YTHDC2: variants seen among roughly 807,000 people sequenced by gnomAD.
YTHDC2 encodes 3'-5' RNA helicase YTHDC2.
Under a neutral mutation model 174.9 loss-of-function variants are expected in YTHDC2, and 45 were observed. The observed-to-expected ratio is 0.26, with a 90% CI of 0.20 to 0.33. The LOEUF (loss-of-function observed/expected upper bound fraction) is 0.33, where lower values mean the gene tolerates loss of function less well. Ranked by LOEUF, YTHDC2 falls within the 10% of genes least tolerant of loss-of-function variation. The probability of loss-of-function intolerance (pLI) is 1.00; values close to 1 mark genes in which losing one functional copy is unlikely to be tolerated. For synonymous variants in YTHDC2, 657 were observed against 574.5 expected, an observed-to-expected ratio of 1.14 and a Z score of -2.05; for missense variants, 1,650 against 1,723.7, an observed-to-expected ratio of 0.96 and a Z score of 0.76.
At chr5:113,589,669 T>C (rs887510339) in intron 26 of YTHDC2, among the ~76,000 whole-genome samples, 1 of 151,780 alleles carries the variant, frequency 6.6e-6, no homozygotes, top group Non-Finnish European at 1.5e-5. Context: ...GAATTTGATT[T>C]TATAGTGAGC....
rs371746869 is a variant in YTHDC2, at chr5:113,567,831, G to A, written c.3226G>A (p.Glu1076Lys). 6.4e-7 allele frequency: 1 copy of A among 1,563,928 alleles called. No individual in the cohort carries two copies. The highest frequency in any genetic ancestry group is 1.4e-5 in the African/African-American group (1 of 73,110). Residue 1076 changes from glutamate to lysine, a missense_variant, in exon 23 of 30, where the codon GAA becomes AAA. By Grantham distance (56) the Glu-to-Lys change is moderately conservative. Coordinates refer to ENST00000161863, the MANE Select transcript of YTHDC2 (RefSeq NM_022828.5). ...TAGATTGGCAAGTAATGCTCTTCAG[G>A]AACCTTCATCCTTTAGAGGTAAATG... ...PARLASNALQ[E>K]PSSFRVDGIP...
At chr5:113,539,632 G>A in intron 8 of YTHDC2, among the ~76,000 whole-genome samples, 1 of 152,154 alleles carries the variant, frequency 6.6e-6, no homozygotes, top group East Asian at 1.9e-4. Flanking sequence ...TTATTTTCCT[G>A]TTAATACGTC....
At chr5:113,539,422 T>G (rs563606173) in intron 8 of YTHDC2, among the ~76,000 whole-genome samples, 118 of 152,302 alleles carry the variant, frequency 7.7e-4, no homozygotes, top group African/African-American at 2.7e-3. Context: ...GGTGTCTATA[T>G]CCAAACATTC....
chr5:113,520,687 A>C (rs563362294), intron 2 of YTHDC2, among the ~76,000 whole-genome samples: 1 of 152,202 alleles, frequency 6.6e-6, no homozygotes, highest in African/African-American at 2.4e-5. Flanking sequence ...AACAAGGACC[A>C]ATGGTTCTTT....
intron 17 of YTHDC2, among the ~76,000 whole-genome samples, chr5:113,560,309 G>C (rs1017674787): frequency 6.6e-6 from 1 of 152,110 alleles, no homozygotes; most frequent in Non-Finnish European, 1.5e-5. Flanking sequence ...CTAAATGGCT[G>C]GTGTCATCAC....
intron 5 of YTHDC2, 75 bp downstream of exon 5, chr5:113,533,120 G>A: frequency 6.6e-7 from 1 of 1,506,316 alleles, no homozygotes; most frequent in Non-Finnish European, 9.0e-7. Context: ...AAAAATAGAG[G>A]ATGTGTTCGT....
At chr5:113,540,628 C>A (rs543011657) in intron 8 of YTHDC2, among the ~76,000 whole-genome samples, 1 of 152,110 alleles carries the variant, frequency 6.6e-6, no homozygotes, top group African/African-American at 2.4e-5. Flanking sequence ...CTCGTGAGAA[C>A]TCACTATCAT....
At position 113,514,339 on chromosome 5, in the gene YTHDC2, C is replaced by T. The variant is rs888999610; in HGVS notation, c.187+257C>T. The stretch of plus-strand genomic sequence containing the variant: ...CCTAGCTGAAAGTGTTTTTCCCCCG[C>T]GTCTTTCAGCAGCCTTGGGCGGTTA... On this transcript the variant is annotated intron_variant, in intron 1 of 29. Coordinates refer to ENST00000161863, the MANE Select transcript of YTHDC2 (RefSeq NM_022828.5). 7 of 670,964 alleles carry T rather than the reference C, an allele frequency of 1.0e-5. No homozygotes were observed. The African/African-American group carries it at 1.2e-4, about 12-fold the overall frequency. 41.6% of individuals were successfully genotyped at this position (670,964 alleles called of 1,614,324 possible).
chr5:113,588,047 A>C (rs1778789591), intron 26 of YTHDC2, among the ~76,000 whole-genome samples: 1 of 152,072 alleles, frequency 6.6e-6, no homozygotes, highest in Admixed American at 6.6e-5. Context: ...GCAGGTATTC[A>C]TTGTTAGTAT....
chr5:113,574,593 C>T (rs539069407), intron 23 of YTHDC2, among the ~76,000 whole-genome samples: 1 of 152,290 alleles, frequency 6.6e-6, no homozygotes, highest in South Asian at 2.1e-4. Flanking sequence ...AGCCACCCCT[C>T]CCCCTGGGAA....
At chr5:113,575,060 A>G (rs1580624786) in intron 23 of YTHDC2, among the ~76,000 whole-genome samples, 2 of 152,108 alleles carry the variant, frequency 1.3e-5, no homozygotes, top group Non-Finnish European at 2.9e-5. Flanking sequence ...GTTGATTTGT[A>G]TGTATGCCTA....
At chr5:113,549,452 A>G (rs913629082) in intron 12 of YTHDC2, among the ~76,000 whole-genome samples, 7 of 152,200 alleles carry the variant, frequency 4.6e-5, no homozygotes, top group African/African-American at 7.2e-5. Context: ...AGTGCCAATG[A>G]GAAACACTCA....
chr5:113,515,633 C>A (rs1773368743), intron 2 of YTHDC2, among the ~76,000 whole-genome samples: 1 of 151,986 alleles, frequency 6.6e-6, no homozygotes, highest in Admixed American at 6.6e-5. Flanking sequence ...TGGGACCCTG[C>A]AAATTAGACT....
At chr5:113,524,626 G>T (rs1411159457) in intron 2 of YTHDC2, among the ~76,000 whole-genome samples, 1 of 151,900 alleles carries the variant, frequency 6.6e-6, no homozygotes, top group Non-Finnish European at 1.5e-5. Context: ...AGGTTCTATT[G>T]TTCAGATTGA....
intron 17 of YTHDC2, among the ~76,000 whole-genome samples, chr5:113,560,513 A>G (rs1016621461): frequency 1.3e-5 from 2 of 152,186 alleles, no homozygotes; most frequent in African/African-American, 4.8e-5. Flanking sequence ...CATGAAGACA[A>G]GAATATTTCT....
At chr5:113,581,345 G>A in intron 24 of YTHDC2, 72 bp from the exon 25 acceptor site, 1 of 1,348,826 alleles carries the variant, frequency 7.4e-7, no homozygotes, top group East Asian at 2.7e-5. Context: ...GCAAACTAAT[G>A]GAAACTAATC....
At chr5:113,537,693 C>G (rs923499695) in intron 7 of YTHDC2, among the ~76,000 whole-genome samples, 17 of 151,744 alleles carry the variant, frequency 1.1e-4, no homozygotes, top group African/African-American at 3.1e-4. Flanking sequence ...TCTATTTTTT[C>G]TTTTATACTG....
intron 23 of YTHDC2, among the ~76,000 whole-genome samples, chr5:113,569,975 C>A (rs1163272684): frequency 1.3e-5 from 2 of 152,098 alleles, no homozygotes; most frequent in Non-Finnish European, 2.9e-5. Context: ...GAGCATGGAA[C>A]GTTTTTCCAT....
intron 17 of YTHDC2, among the ~76,000 whole-genome samples, chr5:113,557,309 T>G (rs1271552639): frequency 6.6e-6 from 1 of 152,212 alleles, no homozygotes; most frequent in Non-Finnish European, 1.5e-5. Context: ...TTTATTATAA[T>G]TAGCAGGAAA....
Sources: allele counts gnomAD v4.1 joint callset (sites outside exome capture counted in the v4.1 genomes callset), GRCh38; gene constraint gnomAD v4.1.1; transcripts MANE v1.5; gene names NCBI Gene and HGNC (gene_info 2026-07-23, HGNC 2026-07-21).